The following SEZ6 variants were observed in gnomAD, a reference collection of about 807,000 sequenced individuals.
SEZ6 encodes seizure related 6 homolog, also known as seizure protein 6 homolog.
A neutral mutation model predicts 101.0 loss-of-function variants in SEZ6; 53 were observed. The observed-to-expected ratio is 0.52, with a 90% CI of 0.42 to 0.66. The LOEUF (loss-of-function observed/expected upper bound fraction) is 0.66. Ranked by LOEUF, SEZ6 falls within the 30% of genes least tolerant of loss-of-function variation. The pLI, the probability that SEZ6 is intolerant of heterozygous loss-of-function variation, is 0.00. For synonymous variants in SEZ6, 488 were observed against 512.2 expected, an observed-to-expected ratio of 0.95 and a Z score of 0.64; for missense variants, 1,102 against 1,289.4, an observed-to-expected ratio of 0.85 and a Z score of 2.23.
rs577637484 is a variant in SEZ6, at chr17:28,976,960, G to A, written c.858+2720C>T. ...CATCCCTGCCAGCACTGGGCATTCCGTGGTCATTGTTTATGATTTCTGTCT... is the reference window on the plus strand; with the variant it reads ...CATCCCTGCCAGCACTGGGCATTCCATGGTCATTGTTTATGATTTCTGTCT... On this transcript the variant is annotated intron_variant, in intron 3 of 16. Transcript: ENST00000317338. 6.4e-4 allele frequency among the ~76,000 whole-genome samples: 97 copies of A among 152,322 alleles called. 1 individual carries two copies. In the South Asian group the frequency reaches 0.018, roughly 28 times the overall value.
Position 28,955,603 on chromosome 17 carries a change from T to C in SEZ6, c.*359A>G. 1 of 511,404 alleles carries C rather than the reference T, an allele frequency of 2.0e-6. No homozygotes were observed. Among genetic ancestry groups the C allele is most frequent in the Non-Finnish European group, 3.8e-6 (1 of 263,062 alleles). 31.7% of individuals were successfully genotyped at this position (511,404 alleles called of 1,614,324 possible). On this transcript the variant is annotated 3_prime_UTR_variant, in exon 17 of 17. Transcript: ENST00000317338. Reference sequence around the variant, plus strand: ...AGGTTGCCATGCCAGGGCGGGATGGTGGTCATGTGGAGAAAGGTACTCCTG... The same window carrying C: ...AGGTTGCCATGCCAGGGCGGGATGGCGGTCATGTGGAGAAAGGTACTCCTG...
chr17:28,960,134 A>G (rs187331260), intron 7 of SEZ6: 5 of 591,408 alleles, frequency 8.5e-6, no homozygotes, highest in Non-Finnish European at 1.5e-5. Context: ...TGCTTAGTAC[A>G]CAGAAGGTAC....
Position 28,959,486 on chromosome 17 carries a change from G to A in SEZ6, c.1772-14C>T. On this transcript the variant is annotated splice_polypyrimidine_tract_variant and intron_variant, in intron 8 of 16. Coordinates refer to ENST00000317338, the MANE Select transcript of SEZ6 (RefSeq NM_178860.5). The surrounding 1 kb of genome is among the most constrained non-coding windows in gnomAD (Gnocchi z 4.4). ...CGCTGCACACGGCTGGAAGGCAGAG[G>A]AGGCCCAGAAGGGTCTTTTCAAGCT... 6.2e-7 allele frequency: 1 copy of A among 1,610,864 alleles called. No individual in the cohort carries two copies. The highest frequency in any genetic ancestry group is 8.5e-7 in the Non-Finnish European group (1 of 1,179,404).
At chr17:28,963,552 C>G (rs1207903314) in intron 5 of SEZ6, among the ~76,000 whole-genome samples, 5 of 152,212 alleles carry the variant, frequency 3.3e-5, no homozygotes, top group Non-Finnish European at 5.9e-5. Flanking sequence ...GTTGTTCTCT[C>G]CATTTAAATG....
chr17:28,964,179 G>T, intron 4 of SEZ6, 32 bp from the exon 5 acceptor site: 2 of 1,533,472 alleles, frequency 1.3e-6, no homozygotes, highest in African/African-American at 1.4e-5. Context: ...CACTGTGTAT[G>T]TGTGCAGGGT....
At chr17:28,996,767 C>T (rs2041548899) in intron 1 of SEZ6, among the ~76,000 whole-genome samples, 1 of 152,164 alleles carries the variant, frequency 6.6e-6, no homozygotes, top group Non-Finnish European at 1.5e-5. Context: ...CTCCCCAGAA[C>T]CTCAGGAACA....
chr17:28,976,215 A>G (rs1167139774), intron 3 of SEZ6, among the ~76,000 whole-genome samples: 2 of 152,210 alleles, frequency 1.3e-5, no homozygotes, highest in Non-Finnish European at 2.9e-5. Flanking sequence ...CAGGAGATGA[A>G]GCAGGTTATG....
chr17:28,971,730 T>C (rs1029878550), intron 3 of SEZ6, among the ~76,000 whole-genome samples: 4 of 152,062 alleles, frequency 2.6e-5, no homozygotes, highest in Admixed American at 2.0e-4. Context: ...TGAAGCAGGG[T>C]TTCAAGGGTT....
At position 28,985,875 on chromosome 17, in the gene SEZ6, C is replaced by T. The variant is rs1407998042; in HGVS notation, c.56-3836G>A. Among the ~76,000 whole-genome samples, 6 of 152,218 alleles carry T rather than the reference C, an allele frequency of 3.9e-5. No individual in the cohort carries two copies. The East Asian group carries it at 9.6e-4, about 24-fold the overall frequency. ...AGCGGTGGGCCGCAGCAAGATCGTC[C>T]CCGTGATCCCCACTTGCCAGGCCCA... On this transcript the variant is annotated intron_variant, in intron 1 of 16. Coordinates refer to ENST00000317338, the MANE Select transcript of SEZ6 (RefSeq NM_178860.5).
intron 1 of SEZ6, among the ~76,000 whole-genome samples, chr17:29,003,130 T>C (rs973043705): frequency 6.6e-6 from 1 of 152,224 alleles, no homozygotes; most frequent in Non-Finnish European, 1.5e-5. Context: ...ATTAACTTTA[T>C]TGATATTCAG....
intron 4 of SEZ6, 116 bp downstream of exon 4, chr17:28,969,641 G>T: frequency 1.0e-6 from 1 of 976,224 alleles, no homozygotes; most frequent in Non-Finnish European, 1.4e-6. Flanking sequence ...TGTGCTATGT[G>T]TCACTAGCCC....
intron 4 of SEZ6, among the ~76,000 whole-genome samples, chr17:28,969,229 T>C (rs2041114029): frequency 6.6e-6 from 1 of 152,152 alleles, no homozygotes; most frequent in Admixed American, 6.5e-5. Context: ...GATTGGGGCA[T>C]GGGCCAGGTC....
intron 4 of SEZ6, among the ~76,000 whole-genome samples, chr17:28,966,152 AAAAT>A (rs1363115105): frequency 2.0e-5 from 3 of 146,694 alleles, no homozygotes; most frequent in Non-Finnish European, 3.0e-5. Flanking sequence ...TCCAAAAAAT[AAAAT>A]AAATAAATAA....
At position 28,981,809 on chromosome 17, in the gene SEZ6, G is replaced by C; in HGVS notation, c.286C>G (p.Pro96Ala). The C allele has an allele frequency of 6.2e-7, 1 of 1,613,918 alleles. No individual in the cohort carries two copies. Reference protein sequence around the residue: ...EELRPALPFQPDPPAPFTPSP... With the variant: ...EELRPALPFQADPPAPFTPSP... ...GGGGTGAAGGGTGCAGGTGGGTCAG[G>C]CTGGAAGGGCAGTGCTGGCCTCAGC... The change falls in exon 2 of 17, where the codon CCT (proline) becomes GCT (alanine). Residue 96 changes from proline (P) to alanine (A), a missense_variant. Around this residue, in one of 3 missense-constraint regions of SEZ6, gnomAD observed 406 missense variants for 418.6 expected, o/e 0.97. Transcript: ENST00000317338.
Position 28,969,838 on chromosome 17 carries a change from T to G in SEZ6, c.973A>C (p.Ser325Arg). The change falls in exon 4 of 17, where the codon AGC becomes CGC. Residue 325 changes from serine to arginine, a missense_variant. This residue lies in a region of SEZ6 where 406 missense variants were observed against 418.6 expected (regional missense o/e 0.97). Transcript: ENST00000317338. ...CTCAGGGCCGCTTGGTGGGTGGGGC[T>G]GCGGATGACTTGGCCCCGCAGCAGG... ...SFLLRGQVIRSPTHQAALRFQ... is the reference protein window; with the variant it reads ...SFLLRGQVIRRPTHQAALRFQ... The G allele has an allele frequency of 6.5e-7, 1 of 1,531,600 alleles. No individual in the cohort carries two copies. The highest frequency in any genetic ancestry group is 8.7e-7 in the Non-Finnish European group (1 of 1,149,870). 94.9% of individuals were successfully genotyped at this position (1,531,600 alleles called of 1,614,324 possible). A position where few individuals can be genotyped will look rare whatever the true frequency, so the allele number is the denominator to read the frequency against.
intron 10 of SEZ6, 46 bp downstream of exon 10, chr17:28,958,979 C>A: frequency 6.4e-7 from 1 of 1,560,826 alleles, no homozygotes; most frequent in Non-Finnish European, 8.7e-7. Flanking sequence ...CTTTGGCTTG[C>A]CATGGCTTGC....
intron 10 of SEZ6, among the ~76,000 whole-genome samples, chr17:28,958,373 C>A (rs2040918080): frequency 6.6e-6 from 1 of 152,226 alleles, no homozygotes; most frequent in South Asian, 2.1e-4. Context: ...TCCAAAAGCA[C>A]CTTGACCAGT....
At chr17:28,995,715 T>C (rs984870299) in intron 1 of SEZ6, among the ~76,000 whole-genome samples, 2 of 152,132 alleles carry the variant, frequency 1.3e-5, no homozygotes, top group Non-Finnish European at 2.9e-5. Context: ...TGCCCTACCA[T>C]ACCTTCTCCC....
chr17:28,984,827 G>C (rs755777598), intron 1 of SEZ6, among the ~76,000 whole-genome samples: 5 of 152,206 alleles, frequency 3.3e-5, no homozygotes, highest in Non-Finnish European at 7.3e-5. Context: ...CCAGTGGATA[G>C]GGGCTTCTCT....
Sources: allele counts gnomAD v4.1 joint callset (sites outside exome capture counted in the v4.1 genomes callset), GRCh38; gene constraint gnomAD v4.1.1; regional missense constraint gnomAD v4.1.1; non-coding constraint Gnocchi (gnomAD v3.1); transcripts MANE v1.5; gene names NCBI Gene and HGNC (gene_info 2026-07-23, HGNC 2026-07-21).